Variants in CCSER1 observed in about 807,000 individuals in gnomAD.
CCSER1 encodes coiled-coil serine rich protein 1, also known as serine-rich coiled-coil domain-containing protein 1.
In CCSER1, 41 loss-of-function variants were observed where a neutral mutation model predicts 82.0. That is an observed-to-expected ratio of 0.50 (90% confidence interval 0.39 to 0.65). CCSER1 has a LOEUF of 0.65. Ranked by LOEUF, CCSER1 falls within the 30% of genes least tolerant of loss-of-function variation. The pLI is 0.00. For missense variants in CCSER1, 1,119 were observed against 1,064.2 expected, an observed-to-expected ratio of 1.05 and a Z score of -0.72; for synonymous variants, 414 against 383.9, an observed-to-expected ratio of 1.08 and a Z score of -0.92.
At chr4:91,177,634 T>C (rs1244813312) in intron 10 of CCSER1, among the ~76,000 whole-genome samples, 1 of 152,228 alleles carries the variant, frequency 6.6e-6, no homozygotes, top group Non-Finnish European at 1.5e-5. Context: ...TCTCTGATAG[T>C]AGTTTGTATT....
intron 6 of CCSER1, among the ~76,000 whole-genome samples, chr4:90,644,989 A>G (rs927144682): frequency 1.3e-5 from 2 of 151,362 alleles, no homozygotes; most frequent in African/African-American, 4.9e-5. Context: ...GGCTAAGACA[A>G]GAGAATCACT....
chr4:91,006,514 G>C (rs1237624229), intron 9 of CCSER1, among the ~76,000 whole-genome samples: 1 of 150,110 alleles, frequency 6.7e-6, no homozygotes, highest in Non-Finnish European at 1.5e-5. Flanking sequence ...TTCTTAGACG[G>C]AGTCTCGCTC....
intron 7 of CCSER1, among the ~76,000 whole-genome samples, chr4:90,797,495 A>G (rs1756201578): frequency 6.6e-6 from 1 of 152,006 alleles, no homozygotes; most frequent in Non-Finnish European, 1.5e-5. Flanking sequence ...GTTAATATGG[A>G]TATTTATGGA....
At position 90,693,873 on chromosome 4, in the gene CCSER1, AAGAG is replaced by A. The variant is rs904851151; in HGVS notation, c.1933-30037_1933-30034del. Among the ~76,000 whole-genome samples the A allele has an allele frequency of 4.0e-5, 6 of 151,738 alleles. 1 individual carries two copies. The highest frequency in any genetic ancestry group is 2.6e-4 in the Admixed American group (4 of 15,144). On this transcript the variant is annotated intron_variant, in intron 6 of 10. Transcript: ENST00000509176. Reference sequence around the variant, plus strand: ...CAATGCTATGAGGAGGAAAAGAAGAAAGAGAGAAAGAAAGAAGAAAGAGAAAGAA... The same window carrying A: ...CAATGCTATGAGGAGGAAAAGAAGAAAGAAAGAAAGAAGAAAGAGAAAGAA...
At chr4:91,052,810 C>T (rs1743120631) in intron 9 of CCSER1, among the ~76,000 whole-genome samples, 1 of 151,996 alleles carries the variant, frequency 6.6e-6, no homozygotes, top group Non-Finnish European at 1.5e-5. Context: ...TATTTAAAAA[C>T]ATTATTTTGA....
At chr4:91,278,513 A>C (rs926860456) in intron 10 of CCSER1, among the ~76,000 whole-genome samples, 1 of 152,032 alleles carries the variant, frequency 6.6e-6, no homozygotes, top group Non-Finnish European at 1.5e-5. Flanking sequence ...TTCTGTTTGC[A>C]TGGAGTATCT....
chr4:90,465,334 T>C (rs1466298039), intron 4 of CCSER1, among the ~76,000 whole-genome samples: 1 of 149,294 alleles, frequency 6.7e-6, no homozygotes, highest in Non-Finnish European at 1.5e-5. Flanking sequence ...TTTTTTTTTT[T>C]TTTTGAGGTG....
chr4:90,292,711 AT>A (rs898616436), intron 1 of CCSER1, among the ~76,000 whole-genome samples: 17 of 149,460 alleles, frequency 1.1e-4, no homozygotes, highest in East Asian at 2.0e-4. Context: ...ATATACTCAT[AT>A]TTTTTTTTTC....
At chr4:90,284,161 T>G (rs1729397038) in intron 1 of CCSER1, among the ~76,000 whole-genome samples, 1 of 152,064 alleles carries the variant, frequency 6.6e-6, no homozygotes, top group South Asian at 2.1e-4. Flanking sequence ...TTTATTGTAT[T>G]ATTTTTCTTA....
rs142013413 is a variant in CCSER1 at position 90,923,246 on chromosome 4, G to A, written c.2095-124G>A. 2.3e-4 allele frequency: 164 copies of A among 712,786 alleles called. 1 individual carries two copies. The African/African-American group carries it at 2.5e-3, about 11-fold the overall frequency. The allele number at this position is 712,786 out of a possible 1,614,324, so 44.2% of individuals were successfully genotyped here. On this transcript the variant is annotated intron_variant, in intron 8 of 10. Coordinates refer to ENST00000509176, the MANE Select transcript of CCSER1 (RefSeq NM_001145065.2). ...AGCTTATTTTAAGAGCACTAACACA[G>A]CAAAGCATATGCACAGAGAAGAACA... is the stretch of plus-strand genomic sequence containing the variant.
rs549409040 is a variant in CCSER1, at chr4:91,166,018, C to T, written c.2217+80024C>T. On this transcript the variant is annotated intron_variant, in intron 10 of 10. Coordinates refer to ENST00000509176, the MANE Select transcript of CCSER1 (RefSeq NM_001145065.2). ...AAATCACCGTTTTCTGCGTTGATCA[C>T]GCTGGGATCTGTAGATCGGATCTGT... Among the ~76,000 whole-genome samples, 12 of 152,308 alleles carry T rather than the reference C, an allele frequency of 7.9e-5. No homozygotes were observed. In the South Asian group the frequency reaches 8.3e-4, roughly 11 times the overall value.
intron 10 of CCSER1, among the ~76,000 whole-genome samples, chr4:91,179,055 T>C (rs759275109): frequency 6.6e-6 from 1 of 152,194 alleles, no homozygotes; most frequent in Non-Finnish European, 1.5e-5. Flanking sequence ...CTCCTTCTTT[T>C]ATGAAGCTTA....
intron 5 of CCSER1, among the ~76,000 whole-genome samples, chr4:90,532,397 CTCTT>C (rs1348747651): frequency 6.6e-6 from 1 of 152,012 alleles, no homozygotes; most frequent in Non-Finnish European, 1.5e-5. Context: ...ATTTTCCTCT[CTCTT>C]CTGCTTGTTC....
At chr4:90,145,891 C>T (rs1326549477) in intron 1 of CCSER1, among the ~76,000 whole-genome samples, 2 of 151,962 alleles carry the variant, frequency 1.3e-5, no homozygotes, top group Non-Finnish European at 2.9e-5. Context: ...CACTCATAGG[C>T]ATTGTCTTAG....
intron 1 of CCSER1, among the ~76,000 whole-genome samples, chr4:90,249,724 A>AT (rs1303110239): frequency 9.2e-5 from 14 of 152,124 alleles, no homozygotes; most frequent in African/African-American, 1.4e-4. Flanking sequence ...TACCACATGT[A>AT]TTTTTTTATT....
chr4:90,837,373 A>G (rs1317161188), intron 8 of CCSER1, among the ~76,000 whole-genome samples: 1 of 152,156 alleles, frequency 6.6e-6, no homozygotes, highest in African/African-American at 2.4e-5. Context: ...CTCACTATTC[A>G]CAATACATTT....
chr4:91,281,879 A>C (rs546842797), intron 10 of CCSER1, among the ~76,000 whole-genome samples: 14 of 152,364 alleles, frequency 9.2e-5, no homozygotes, highest in Non-Finnish European at 1.6e-4. Flanking sequence ...AATGAAGATC[A>C]GTCCTAACAT....
intron 8 of CCSER1, among the ~76,000 whole-genome samples, chr4:90,907,451 T>C (rs1377378805): frequency 6.6e-6 from 1 of 152,112 alleles, no homozygotes; most frequent in Non-Finnish European, 1.5e-5. Flanking sequence ...CATCATTTTT[T>C]GGATGATGAT....
At chr4:90,707,576 C>G (rs968582062) in intron 6 of CCSER1, among the ~76,000 whole-genome samples, 1 of 151,286 alleles carries the variant, frequency 6.6e-6, no homozygotes, top group African/African-American at 2.4e-5. Flanking sequence ...ACAGTTTTTA[C>G]TACTTCCACT....
Sources: gnomAD v4.1 joint callset for allele counts (sites outside exome capture counted in the v4.1 genomes callset) on GRCh38, gnomAD v4.1.1 for gene constraint, MANE v1.5 for transcripts, NCBI Gene and HGNC (gene_info 2026-07-23, HGNC 2026-07-21) for gene names.